CDIN1: variants seen among roughly 807,000 people sequenced by gnomAD.
The protein encoded by CDIN1 is CDAN1-interacting nuclease 1.
CDIN1 carries 33 observed loss-of-function variants against 45.3 expected under a neutral mutation model. The ratio of observed to expected loss-of-function variants is 0.73; its 90% CI spans 0.55 to 0.97. The LOEUF (loss-of-function observed/expected upper bound fraction) is 0.97, where lower values mean the gene tolerates loss of function less well. Among genes scored for constraint, CDIN1 ranks in the 50% least tolerant of loss-of-function variants. The pLI is 0.00. For synonymous variants in CDIN1, 118 were observed against 124.4 expected (o/e 0.95, Z 0.34); for missense variants, 303 against 339.4 (o/e 0.89, Z 0.84).
At chr15:36,636,480 A>G (rs2039902577) in intron 1 of CDIN1, among the ~76,000 whole-genome samples, 1 of 152,180 alleles carries the variant, frequency 6.6e-6, no homozygotes, top group Non-Finnish European at 1.5e-5. Flanking sequence ...TGAACCTGGG[A>G]GGCAGAGCTT....
intron 1 of CDIN1, among the ~76,000 whole-genome samples, chr15:36,625,791 A>T (rs965404071): frequency 6.6e-6 from 1 of 152,202 alleles, no homozygotes; most frequent in African/African-American, 2.4e-5. Context: ...TTACGTAAGG[A>T]TCCCCAGTGC....
chr15:36,751,431 C>A (rs775937678), intron 10 of CDIN1, among the ~76,000 whole-genome samples: 1 of 151,496 alleles, frequency 6.6e-6, no homozygotes, highest in Non-Finnish European at 1.5e-5. Flanking sequence ...CAGCAGCTCA[C>A]GCCTATAATA....
chr15:36,619,511 CTATCT>C (rs2039062784), intron 1 of CDIN1, among the ~76,000 whole-genome samples: 2 of 151,500 alleles, frequency 1.3e-5, no homozygotes, highest in Admixed American at 6.6e-5. Context: ...ATCTATCTAT[CTATCT>C]ATCCATCCAT....
chr15:36,802,279 G>T (rs1190124618), intron 10 of CDIN1, among the ~76,000 whole-genome samples: 1 of 152,124 alleles, frequency 6.6e-6, no homozygotes, highest in African/African-American at 2.4e-5. Context: ...AACACTGCCT[G>T]CTCAGTAAAT....
At position 36,613,933 on chromosome 15, in the gene CDIN1, C is replaced by A. The variant is rs550530504; in HGVS notation, c.102-30345C>A. 1.2e-5 allele frequency: 18 copies of A among 1,555,654 alleles called. No homozygotes were observed. The African/African-American group carries it at 2.0e-4, about 18-fold the overall frequency. On this transcript the variant is annotated intron_variant, in intron 1 of 10. Transcript: ENST00000566621. ...AGCTGAGCTGGCAGAGCCCCATTGC[C>A]GAGAGATGGATGAGCAGATCAGACT... is the stretch of plus-strand genomic sequence containing the variant.
At chr15:36,681,559 A>G (rs1053533903) in intron 5 of CDIN1, among the ~76,000 whole-genome samples, 2 of 152,192 alleles carry the variant, frequency 1.3e-5, no homozygotes, top group African/African-American at 4.8e-5. Context: ...TTCATGAAAC[A>G]ACTAATTCCA....
At chr15:36,771,428 C>A (rs2054075003) in intron 10 of CDIN1, among the ~76,000 whole-genome samples, 1 of 152,116 alleles carries the variant, frequency 6.6e-6, no homozygotes, top group Non-Finnish European at 1.5e-5. Flanking sequence ...GATAGCTGGT[C>A]CTACCCTTAG....
intron 1 of CDIN1, among the ~76,000 whole-genome samples, chr15:36,606,448 C>T (rs917962735): frequency 4.6e-5 from 7 of 152,070 alleles, no homozygotes; most frequent in African/African-American, 1.4e-4. Context: ...AAAGAATGAA[C>T]GAATGCTAGA....
intron 10 of CDIN1, among the ~76,000 whole-genome samples, chr15:36,722,545 A>G (rs2043463318): frequency 6.6e-6 from 1 of 152,234 alleles, no homozygotes; most frequent in Non-Finnish European, 1.5e-5. Flanking sequence ...TTGGATTAAA[A>G]TAAAGCAGGC....
intron 10 of CDIN1, among the ~76,000 whole-genome samples, chr15:36,716,080 TAAATC>T (rs1386409222): frequency 6.6e-6 from 1 of 152,000 alleles, no homozygotes; most frequent in African/African-American, 2.4e-5. Flanking sequence ...TAGAATGACT[TAAATC>T]AAAGAAAACA....
At chr15:36,646,775 C>G (rs1011734757) in intron 3 of CDIN1, among the ~76,000 whole-genome samples, 1 of 152,106 alleles carries the variant, frequency 6.6e-6, no homozygotes, top group South Asian at 2.1e-4. Flanking sequence ...GAAAATAGAG[C>G]ATTTTAAAGG....
chr15:36,746,760 T>TC (rs2044459627), intron 10 of CDIN1, among the ~76,000 whole-genome samples: 1 of 140,294 alleles, frequency 7.1e-6, no homozygotes, highest in Non-Finnish European at 1.5e-5. Flanking sequence ...GTCTTTTTTT[T>TC]TTTTTTTTTT....
At chr15:36,617,674 A>G in intron 1 of CDIN1, 2 of 768,316 alleles carry the variant, frequency 2.6e-6, no homozygotes, top group East Asian at 2.5e-5. Context: ...GAGCCAAGTC[A>G]TAAGCGTTGT....
At chr15:36,603,439 G>C (rs915954898) in intron 1 of CDIN1, among the ~76,000 whole-genome samples, 2 of 152,146 alleles carry the variant, frequency 1.3e-5, no homozygotes, top group African/African-American at 4.8e-5. Flanking sequence ...TATTTGCTTA[G>C]AAAGGGAGAC....
chr15:36,653,800 G>A (rs1181365192), intron 3 of CDIN1, among the ~76,000 whole-genome samples: 1 of 152,214 alleles, frequency 6.6e-6, no homozygotes, highest in Non-Finnish European at 1.5e-5. Flanking sequence ...ACAAGGCAGA[G>A]TGATATGGAT....
chr15:36,776,614 G>T (rs1033432707), intron 10 of CDIN1, among the ~76,000 whole-genome samples: 19 of 152,228 alleles, frequency 1.2e-4, no homozygotes, highest in Admixed American at 9.2e-4. Flanking sequence ...TCATTATATT[G>T]TTTCTGCAGT....
At chr15:36,622,383 T>C (rs1377841507) in intron 1 of CDIN1, among the ~76,000 whole-genome samples, 3 of 152,118 alleles carry the variant, frequency 2.0e-5, no homozygotes, top group Non-Finnish European at 2.9e-5. Flanking sequence ...AGGTGTCTCA[T>C]TGGCATGCCA....
chr15:36,588,108 A>C (rs144639086), intron 1 of CDIN1, among the ~76,000 whole-genome samples: 4 of 152,382 alleles, frequency 2.6e-5, no homozygotes, highest in African/African-American at 9.6e-5. Context: ...AGATTTACAG[A>C]AAATGAAAAT....
intron 1 of CDIN1, among the ~76,000 whole-genome samples, chr15:36,590,190 A>G (rs2037509152): frequency 6.6e-6 from 1 of 152,066 alleles, no homozygotes; most frequent in African/African-American, 2.4e-5. Flanking sequence ...TTTTTAACCT[A>G]CTGTGGTGTT....
Sources: allele counts gnomAD v4.1 joint callset (sites outside exome capture counted in the v4.1 genomes callset), GRCh38; gene constraint gnomAD v4.1.1; transcripts MANE v1.5; gene names NCBI Gene and HGNC (gene_info 2026-07-23, HGNC 2026-07-21).